The following CAST variants were observed in gnomAD, a reference collection of about 807,000 sequenced individuals.
The protein encoded by CAST is MIR583 host.
In CAST, 76 loss-of-function variants were observed where a neutral mutation model predicts 119.6. That is an observed-to-expected ratio of 0.64 (90% CI 0.53 to 0.77). The LOEUF is 0.77. Ranked by LOEUF, CAST falls within the 30% of genes least tolerant of loss-of-function variation. CAST has a pLI of 0.00. For synonymous variants in CAST, 319 were observed against 331.6 expected (o/e 0.96, Z 0.41); for missense variants, 953 against 946.5 (o/e 1.01, Z -0.09).
chr5:95,971,611 C>T, the CAST span, among the ~76,000 whole-genome samples: 1 of 152,176 alleles, frequency 6.6e-6, no homozygotes, highest in South Asian at 2.1e-4. Flanking sequence ...TCAGATCTTC[C>T]TGCCACCCAC....
At chr5:96,640,534 G>A (rs1434822907) in intron 1 of CAST, among the ~76,000 whole-genome samples, 1 of 152,152 alleles carries the variant, frequency 6.6e-6, no homozygotes, top group Non-Finnish European at 1.5e-5. Context: ...CCTGCTTCTT[G>A]CCTCTGTGAA....
At chr5:96,437,232 T>A in the CAST span, among the ~76,000 whole-genome samples, 2 of 152,196 alleles carry the variant, frequency 1.3e-5, no homozygotes. Context: ...CTGAATGAAC[T>A]AGATAAACAC....
the CAST span, among the ~76,000 whole-genome samples, chr5:96,306,922 T>C: frequency 1.3e-5 from 2 of 152,198 alleles, no homozygotes; most frequent in African/African-American, 2.4e-5. Context: ...AGAATGTATA[T>C]TCTGTTGGTT....
At chr5:96,266,306 G>A in the CAST span, among the ~76,000 whole-genome samples, 3 of 152,166 alleles carry the variant, frequency 2.0e-5, no homozygotes, top group Non-Finnish European at 2.9e-5. Context: ...TGAGATCATA[G>A]GGGATAACCA....
intron 10 of CAST, among the ~76,000 whole-genome samples, chr5:96,737,438 T>C (rs577821734): frequency 1.3e-5 from 2 of 152,344 alleles, no homozygotes; most frequent in South Asian, 4.1e-4. Context: ...TCTGGAAAAG[T>C]ATTGATAAGC....
At chr5:96,520,866 A>T (rs1745506752), upstream of CAST, among the ~76,000 whole-genome samples, 1 of 152,142 alleles carries the variant, frequency 6.6e-6, no homozygotes, top group Admixed American at 6.5e-5. Context: ...AGTTGACTTC[A>T]TTCTTATTTT....
chr5:96,422,911 T>C, the CAST span, among the ~76,000 whole-genome samples: 1 of 145,006 alleles, frequency 6.9e-6, no homozygotes, highest in Non-Finnish European at 1.5e-5. Flanking sequence ...CACATTCATA[T>C]AATTTTACAA....
chr5:96,444,537 C>T, the CAST span, among the ~76,000 whole-genome samples: 1 of 117,622 alleles, frequency 8.5e-6, no homozygotes, highest in Admixed American at 7.6e-5. Context: ...TATTCTTTAT[C>T]TTATTTACTT....
chr5:96,449,178 T>C, the CAST span, among the ~76,000 whole-genome samples: 7 of 152,216 alleles, frequency 4.6e-5, no homozygotes, highest in Non-Finnish European at 8.8e-5. Context: ...AGTCTTGCCA[T>C]CCACAGTAAC....
chr5:96,503,985 A>C, the CAST span, among the ~76,000 whole-genome samples: 1 of 152,218 alleles, frequency 6.6e-6, no homozygotes, highest in Admixed American at 6.5e-5. Flanking sequence ...ACAGAGAGAG[A>C]AGTGACTCTC....
chr5:96,712,505 C>T (rs1382529296), intron 3 of CAST, among the ~76,000 whole-genome samples: 1 of 151,998 alleles, frequency 6.6e-6, no homozygotes, highest in Middle Eastern at 3.2e-3. Flanking sequence ...TAATTTGATT[C>T]TTTTGTAGAG....
chr5:95,993,831 G>A, the CAST span, among the ~76,000 whole-genome samples: 1 of 151,914 alleles, frequency 6.6e-6, no homozygotes, highest in African/African-American at 2.4e-5. Context: ...CTTCAAAAAA[G>A]AACATCTATG....
chr5:96,426,820 G>A, the CAST span, among the ~76,000 whole-genome samples: 37 of 152,154 alleles, frequency 2.4e-4, no homozygotes, highest in Non-Finnish European at 4.4e-4. Flanking sequence ...AATAAAAACC[G>A]AAAAATAATT....
chr5:96,064,352 G>T, the CAST span, among the ~76,000 whole-genome samples: 2 of 152,172 alleles, frequency 1.3e-5, no homozygotes, highest in East Asian at 3.9e-4. Context: ...TAAACCTAGA[G>T]TTTCCAGACT....
the CAST span, among the ~76,000 whole-genome samples, chr5:96,473,174 G>A: frequency 2.6e-5 from 4 of 152,298 alleles, no homozygotes; most frequent in East Asian, 1.9e-4. Context: ...GGTACCAGGG[G>A]TTAGGATGGG....
chr5:96,357,239 A>G, the CAST span, among the ~76,000 whole-genome samples: 3,168 of 152,226 alleles, frequency 0.021, 108 homozygotes, highest in African/African-American at 0.072. Flanking sequence ...GGGCTGAGAC[A>G]ATGGGGTTTT....
chr5:96,220,161 G>A, the CAST span, among the ~76,000 whole-genome samples: 5 of 152,176 alleles, frequency 3.3e-5, no homozygotes. Context: ...TTGCTCAGAG[G>A]CATCTGAAAA....
the CAST span, among the ~76,000 whole-genome samples, chr5:96,306,489 T>G: frequency 1.3e-5 from 2 of 151,968 alleles, no homozygotes; most frequent in African/African-American, 4.8e-5. Context: ...GTCTTCTGTT[T>G]GCTTTTGAGT....
At chr5:96,139,533 T>A in the CAST span, among the ~76,000 whole-genome samples, 3 of 101,192 alleles carry the variant, frequency 3.0e-5, no homozygotes, top group Admixed American at 2.6e-4. Flanking sequence ...TATATATACA[T>A]ATATATATGT....
Sources: gnomAD v4.1 joint callset for allele counts (sites outside exome capture counted in the v4.1 genomes callset) on GRCh38, gnomAD v4.1.1 for gene constraint, MANE v1.5 for transcripts, NCBI Gene and HGNC (gene_info 2026-07-23, HGNC 2026-07-21) for gene names.